CTDP1: variants seen among roughly 807,000 people sequenced by gnomAD.
CTDP1 encodes the protein CTD phosphatase 1, also known as RNA polymerase II subunit A C-terminal domain phosphatase.
CTDP1 carries 47 observed loss-of-function variants against 91.8 expected under a neutral mutation model. That is an observed-to-expected ratio of 0.51 (90% confidence interval 0.41 to 0.65). The LOEUF (loss-of-function observed/expected upper bound fraction) is 0.65. Ranked by LOEUF, CTDP1 falls within the 30% of genes least tolerant of loss-of-function variation. The pLI, the probability that CTDP1 is intolerant of heterozygous loss-of-function variation, is 0.00. For missense variants in CTDP1, 1,272 were observed against 1,373.7 expected, an observed-to-expected ratio of 0.93 and a Z score of 1.17; for synonymous variants, 656 against 598.5, an observed-to-expected ratio of 1.10 and a Z score of -1.40.
chr18:79,678,557 C>G (rs1473482491), upstream of CTDP1: 1 of 152,132 alleles, frequency 6.6e-6, no homozygotes, highest in African/African-American at 2.4e-5. Context: ...AAACTCTCTA[C>G]TTAGAGAAAC....
intron 6 of CTDP1, among the ~76,000 whole-genome samples, chr18:79,711,864 G>A (rs2086090921): frequency 6.6e-6 from 1 of 152,018 alleles, no homozygotes; most frequent in African/African-American, 2.4e-5. Context: ...CTGTATTCGA[G>A]GAGTTTCCCC....
intron 12 of CTDP1, among the ~76,000 whole-genome samples, chr18:79,750,486 C>T (rs1252883112): frequency 6.6e-6 from 1 of 151,602 alleles, no homozygotes; most frequent in Non-Finnish European, 1.5e-5. Flanking sequence ...GCACTTCCCG[C>T]TACTCTGCCT....
In CTDP1 at chr18:79,749,504, C is replaced by CACGCACTCCCGAGGCT. The variant is rs6146423; in HGVS notation, c.2748-4148_2748-4147insACGCACTCCCGAGGCT. ...GGGCACCAGACTGTGAGGGTCGCGC[C>CACGCACTCCCGAGGCT]CCGTGCACACGAGATCCAGGCCCGC... is the stretch of plus-strand genomic sequence containing the variant. On this transcript the variant is annotated intron_variant, in intron 12 of 12. Coordinates refer to ENST00000613122, the MANE Select transcript of CTDP1 (RefSeq NM_004715.5). 8.6e-5 allele frequency among the ~76,000 whole-genome samples: 13 copies of CACGCACTCCCGAGGCT among 151,142 alleles called. No homozygotes were observed. In the East Asian group the frequency reaches 9.7e-4, roughly 11 times the overall value.
At chr18:79,705,648 G>A (rs988927948) in intron 5 of CTDP1, among the ~76,000 whole-genome samples, 6 of 152,230 alleles carry the variant, frequency 3.9e-5, no homozygotes, top group Non-Finnish European at 7.3e-5. Context: ...GACGGCGACC[G>A]TCTGTCCCAC....
chr18:79,681,545 A>G (rs2085369070), intron 1 of CTDP1: 5 of 956,324 alleles, frequency 5.2e-6, no homozygotes, highest in South Asian at 4.8e-5. Flanking sequence ...GTGGCAAGTT[A>G]GTATTGAAAT....
intron 12 of CTDP1, 137 bp from the exon 13 acceptor site, chr18:79,753,515 C>CTG: frequency 7.2e-7 from 1 of 1,385,130 alleles, no homozygotes; most frequent in Non-Finnish European, 1.0e-6. Flanking sequence ...GGTCGGTGGC[C>CTG]TGTGTGTGTC....
At chr18:79,699,054 A>G (rs1027731216) in intron 4 of CTDP1, among the ~76,000 whole-genome samples, 1 of 152,134 alleles carries the variant, frequency 6.6e-6, no homozygotes, top group African/African-American at 2.4e-5. Flanking sequence ...GAATGGAGAG[A>G]ATCGAGTAAC....
At chr18:79,686,286 A>T (rs1036801406) in intron 1 of CTDP1, among the ~76,000 whole-genome samples, 2 of 152,236 alleles carry the variant, frequency 1.3e-5, no homozygotes, top group Non-Finnish European at 2.9e-5. Context: ...GAAATCATCT[A>T]GTATCTGGGT....
intron 10 of CTDP1, among the ~76,000 whole-genome samples, chr18:79,724,648 G>C (rs959878628): frequency 6.6e-6 from 1 of 152,194 alleles, no homozygotes; most frequent in Non-Finnish European, 1.5e-5. Flanking sequence ...TCATCCTCTA[G>C]AGGGTCTTTG....
intron 11 of CTDP1, among the ~76,000 whole-genome samples, chr18:79,730,283 T>C (rs1372025240): frequency 6.6e-6 from 1 of 152,222 alleles, no homozygotes; most frequent in African/African-American, 2.4e-5. Context: ...AGGTTCTGTA[T>C]AAGGAACAGT....
intron 1 of CTDP1, among the ~76,000 whole-genome samples, chr18:79,686,536 C>T (rs903826910): frequency 3.9e-5 from 6 of 152,356 alleles, no homozygotes; most frequent in African/African-American, 9.6e-5. Context: ...AAATATACAT[C>T]TAGCATCATA....
chr18:79,701,537 A>T (rs1236266977), intron 4 of CTDP1, among the ~76,000 whole-genome samples: 1 of 37,412 alleles, frequency 2.7e-5, no homozygotes, highest in Non-Finnish European at 8.0e-5. Flanking sequence ...AATTAAATAA[A>T]TAAATAAATA....
intron 4 of CTDP1, chr18:79,703,430 C>A (rs1360394953): frequency 2.0e-5 from 3 of 152,184 alleles, no homozygotes; most frequent in African/African-American, 7.2e-5. Flanking sequence ...ATTTGCATGT[C>A]GATCATATGT....
chr18:79,708,841 C>G (rs148923378), intron 5 of CTDP1, among the ~76,000 whole-genome samples: 1 of 152,256 alleles, frequency 6.6e-6, no homozygotes, highest in Admixed American at 6.5e-5. Flanking sequence ...AATTTTCTTA[C>G]AATTTCAGCC....
At chr18:79,709,807 G>A (rs1357541663) in intron 5 of CTDP1, among the ~76,000 whole-genome samples, 1 of 152,212 alleles carries the variant, frequency 6.6e-6, no homozygotes, top group Non-Finnish European at 1.5e-5. Context: ...AACACAGAGT[G>A]TGAGTTTGTA....
intron 2 of CTDP1, 135 bp downstream of exon 2, chr18:79,695,443 C>A: frequency 1.3e-6 from 1 of 770,162 alleles, no homozygotes; most frequent in Non-Finnish European, 2.3e-6. Flanking sequence ...CTCCCTTGGG[C>A]CCCATACGAG....
At chr18:79,733,838 G>T (rs1268883177) in intron 11 of CTDP1, among the ~76,000 whole-genome samples, 2 of 152,158 alleles carry the variant, frequency 1.3e-5, no homozygotes, top group African/African-American at 4.8e-5. Flanking sequence ...TCATTTCCGT[G>T]CATTGACAGG....
At chr18:79,707,489 T>G (rs1307737344) in intron 5 of CTDP1, among the ~76,000 whole-genome samples, 1 of 152,232 alleles carries the variant, frequency 6.6e-6, no homozygotes, top group Non-Finnish European at 1.5e-5. Context: ...CCAGCTAGGT[T>G]TGTTGAGCGT....
At chr18:79,688,587 G>A (rs1187191377) in intron 1 of CTDP1, among the ~76,000 whole-genome samples, 1 of 150,070 alleles carries the variant, frequency 6.7e-6, no homozygotes, top group Non-Finnish European at 1.5e-5. Flanking sequence ...TTTAGTAGAG[G>A]CAGGGTTTTA....
Sources: allele counts gnomAD v4.1 joint callset (sites outside exome capture counted in the v4.1 genomes callset), GRCh38; gene constraint gnomAD v4.1.1; transcripts MANE v1.5; gene names NCBI Gene and HGNC (gene_info 2026-07-23, HGNC 2026-07-21).